Variants in IMMP2L observed in about 807,000 individuals in gnomAD.
IMMP2L encodes the protein mitochondrial inner membrane protease subunit 2.
Under a neutral mutation model 19.3 loss-of-function variants are expected in IMMP2L, and 18 were observed. The ratio of observed to expected loss-of-function variants is 0.93; its 90% CI spans 0.64 to 1.38. The LOEUF is 1.38. Among genes scored for constraint, IMMP2L ranks in the 40% most tolerant of loss-of-function variants. The pLI is 0.00. For missense variants in IMMP2L, 233 were observed against 218.2 expected (o/e 1.07, Z -0.43); for synonymous variants, 76 against 73.0 (o/e 1.04, Z -0.21).
chr7:111,293,337 G>T (rs74651922), intron 3 of IMMP2L, among the ~76,000 whole-genome samples: 4,833 of 151,888 alleles, frequency 0.032, 241 homozygotes, highest in African/African-American at 0.11. Flanking sequence ...AAGGCATATA[G>T]GTTTCAATAT....
chr7:110,690,454 A>G (rs6966815), intron 5 of IMMP2L, among the ~76,000 whole-genome samples: 6,302 of 152,198 alleles, frequency 0.041, 276 homozygotes, highest in African/African-American at 0.11. Context: ...AGTTCCAGCT[A>G]GAGCAATCAG....
At chr7:110,699,700 G>A (rs544954597) in intron 5 of IMMP2L, among the ~76,000 whole-genome samples, 7 of 150,588 alleles carry the variant, frequency 4.6e-5, no homozygotes, top group South Asian at 2.1e-4. Flanking sequence ...CCCAGGAGGC[G>A]AAGGTTGCAG....
At chr7:111,079,323 T>C (rs1795686714) in intron 3 of IMMP2L, among the ~76,000 whole-genome samples, 1 of 151,778 alleles carries the variant, frequency 6.6e-6, no homozygotes, top group South Asian at 2.1e-4. Flanking sequence ...TTCACCGTTT[T>C]AGCCGGGATG....
intron 3 of IMMP2L, among the ~76,000 whole-genome samples, chr7:111,281,220 G>A (rs920325688): frequency 2.1e-4 from 14 of 66,994 alleles, no homozygotes; most frequent in African/African-American, 7.7e-4. Context: ...GAAAGAAAAA[G>A]AAAGAAAGAA....
At chr7:111,191,215 T>A (rs927957717) in intron 3 of IMMP2L, among the ~76,000 whole-genome samples, 1 of 152,020 alleles carries the variant, frequency 6.6e-6, no homozygotes, top group Non-Finnish European at 1.5e-5. Flanking sequence ...TATTCTTTTT[T>A]AAAAAAATAT....
Position 110,905,390 on chromosome 7 carries a change from C to A in IMMP2L, c.306-18695G>T, listed in dbSNP as rs757175028. On this transcript the variant is annotated intron_variant, in intron 4 of 5. Coordinates refer to ENST00000405709, the MANE Select transcript of IMMP2L (RefSeq NM_032549.4). ...TTAGATTTTTGAAAACTGTCTTATC[C>A]CCATTAAAGAAAAAAATAAAAAGGA... Among the ~76,000 whole-genome samples, 10 of 151,822 alleles carry A rather than the reference C, an allele frequency of 6.6e-5. No individual in the cohort carries two copies. In the East Asian group the frequency reaches 1.9e-3, roughly 29 times the overall value.
intron 3 of IMMP2L, among the ~76,000 whole-genome samples, chr7:111,078,656 TC>T (rs1795616944): frequency 6.6e-6 from 1 of 152,144 alleles, no homozygotes; most frequent in South Asian, 2.1e-4. Context: ...AATGCTTTCT[TC>T]CCCATTTCTT....
At chr7:111,054,215 C>T (rs1015774696) in intron 3 of IMMP2L, among the ~76,000 whole-genome samples, 3 of 152,006 alleles carry the variant, frequency 2.0e-5, no homozygotes, top group African/African-American at 7.2e-5. Context: ...TCTCAATTTT[C>T]AAAAAAATCT....
chr7:111,124,301 T>A, intron 3 of IMMP2L: 1 of 1,613,950 alleles, frequency 6.2e-7, no homozygotes, highest in Non-Finnish European at 8.5e-7. Flanking sequence ...AAGTCTGTTA[T>A]GATCAAAGTG....
rs562878846 is a variant in IMMP2L, at chr7:110,884,366, T to C, written c.408+2227A>G. 1.9e-3 allele frequency among the ~76,000 whole-genome samples: 286 copies of C among 152,160 alleles called. 1 individual carries two copies. The highest frequency in any genetic ancestry group is 6.4e-3 in the African/African-American group (267 of 41,558). On this transcript the variant is annotated intron_variant, in intron 5 of 5. Coordinates refer to ENST00000405709, the MANE Select transcript of IMMP2L (RefSeq NM_032549.4). ...ATAAAGCAACACATTAGAATCACCA[T>C]GTCTTTATGATATAATCCAGTAAAA...
intron 5 of IMMP2L, among the ~76,000 whole-genome samples, chr7:110,705,014 A>G (rs959310114): frequency 6.6e-6 from 1 of 152,200 alleles, no homozygotes; most frequent in South Asian, 2.1e-4. Flanking sequence ...GTTAGTCATC[A>G]TTTTTATATA....
At chr7:111,319,111 G>A (rs1400013507) in intron 3 of IMMP2L, among the ~76,000 whole-genome samples, 1 of 152,126 alleles carries the variant, frequency 6.6e-6, no homozygotes, top group Non-Finnish European at 1.5e-5. Context: ...ATGTCTGTAG[G>A]AGGGCAAGTC....
chr7:111,008,647 TA>T (rs80263764), intron 3 of IMMP2L, among the ~76,000 whole-genome samples: 355 of 147,182 alleles, frequency 2.4e-3, no homozygotes, highest in South Asian at 0.012. Flanking sequence ...TGCCCCCTAT[TA>T]AAAAAAAAAA....
At chr7:111,067,709 GA>G (rs1047800560) in intron 3 of IMMP2L, among the ~76,000 whole-genome samples, 3 of 151,524 alleles carry the variant, frequency 2.0e-5, no homozygotes, top group African/African-American at 4.8e-5. Flanking sequence ...TGAGGAAAAA[GA>G]AAAAAAAGAC....
chr7:111,144,678 G>C (rs1803280280), intron 3 of IMMP2L, among the ~76,000 whole-genome samples: 1 of 152,012 alleles, frequency 6.6e-6, no homozygotes, highest in Admixed American at 6.6e-5. Flanking sequence ...AAAAACAGTA[G>C]ACAAGAAATA....
intron 3 of IMMP2L, among the ~76,000 whole-genome samples, chr7:111,443,770 G>T (rs774229817): frequency 6.6e-6 from 1 of 152,080 alleles, no homozygotes; most frequent in African/African-American, 2.4e-5. Context: ...TAAATGTGGG[G>T]ATCACTAAGT....
chr7:111,284,555 G>A (rs1168388835), intron 3 of IMMP2L, among the ~76,000 whole-genome samples: 6 of 152,144 alleles, frequency 3.9e-5, no homozygotes, highest in Non-Finnish European at 7.4e-5. Context: ...TGGGAAAACC[G>A]TAGTGCTGAC....
intron 5 of IMMP2L, among the ~76,000 whole-genome samples, chr7:110,737,530 G>C (rs1420914862): frequency 6.6e-6 from 1 of 152,178 alleles, no homozygotes; most frequent in Non-Finnish European, 1.5e-5. Context: ...ACCCCAAGAA[G>C]AGGTTGAGCT....
chr7:111,064,081 G>T (rs1384789918), intron 3 of IMMP2L, among the ~76,000 whole-genome samples: 2 of 152,108 alleles, frequency 1.3e-5, no homozygotes. Context: ...ACCTGAGGCT[G>T]GGAAATTTAT....
Sources: gnomAD v4.1 joint callset for allele counts (sites outside exome capture counted in the v4.1 genomes callset) on GRCh38, gnomAD v4.1.1 for gene constraint, MANE v1.5 for transcripts, NCBI Gene and HGNC (gene_info 2026-07-23, HGNC 2026-07-21) for gene names.